The following PGPEP1L variants were observed in gnomAD, a reference collection of about 807,000 sequenced individuals.
PGPEP1L encodes pyroglutamyl-peptidase 1-like protein.
PGPEP1L carries 7 observed loss-of-function variants against 6.0 expected under a neutral mutation model. The observed-to-expected ratio is 1.17, with a 90% CI of 0.66 to 2.19. The LOEUF is 2.19. Among genes scored for constraint, PGPEP1L ranks in the 30% most tolerant of loss-of-function variants. The probability of loss-of-function intolerance (pLI) is 0.00; values close to 1 mark genes in which losing one functional copy is unlikely to be tolerated. For missense variants in PGPEP1L, 209 were observed against 192.5 expected (o/e 1.09, Z -0.51); for synonymous variants, 103 against 83.9 (o/e 1.23, Z -1.24).
At chr15:98,990,503 CAAT>C (rs1213156923) in intron 2 of PGPEP1L, among the ~76,000 whole-genome samples, 1 of 152,118 alleles carries the variant, frequency 6.6e-6, no homozygotes, top group Non-Finnish European at 1.5e-5. Context: ...GACTCCCACA[CAAT>C]AATAGTGGGA....
chr15:99,007,007 TGTC>T (rs1555473747), intron 1 of PGPEP1L, among the ~76,000 whole-genome samples: 4 of 152,102 alleles, frequency 2.6e-5, no homozygotes, highest in East Asian at 1.9e-4. Context: ...TCTGCTGAAT[TGTC>T]CTCCTGATAT....
At chr15:98,976,734 G>T (rs1339194384) in intron 2 of PGPEP1L, among the ~76,000 whole-genome samples, 2 of 152,182 alleles carry the variant, frequency 1.3e-5, no homozygotes, top group Non-Finnish European at 2.9e-5. Flanking sequence ...GCATGGTCTT[G>T]GTAAGGGAAG....
intron 2 of PGPEP1L, among the ~76,000 whole-genome samples, chr15:98,981,230 C>A (rs958796522): frequency 6.6e-6 from 1 of 152,106 alleles, no homozygotes; most frequent in African/African-American, 2.4e-5. Context: ...CGGTGGCTCC[C>A]GCCTGTAATC....
At position 98,994,599 on chromosome 15, in the gene PGPEP1L, A is replaced by C. The variant is rs557549612; in HGVS notation, c.-142+10830T>G. 1.4e-4 allele frequency among the ~76,000 whole-genome samples: 21 copies of C among 152,314 alleles called. No homozygotes were observed. In the East Asian group the frequency reaches 3.7e-3, roughly 27 times the overall value. On this transcript the variant is annotated intron_variant, in intron 2 of 4. Transcript: ENST00000535714. ...GAGACCCTGTATCAAAAAAGAAAAA[A>C]AAATGGAGCTATTATTACTACGACC...
At position 98,998,238 on chromosome 15, in the gene PGPEP1L, C is replaced by T. The variant is rs2151765224; in HGVS notation, c.-142+7191G>A. The T allele has an allele frequency of 2.0e-5, 3 of 152,782 alleles. No individual in the cohort carries two copies. In the Middle Eastern group the frequency reaches 0.01, roughly 520 times the overall value. 9.5% of individuals were successfully genotyped at this position (152,782 alleles called of 1,614,324 possible). A position where few individuals can be genotyped will look rare whatever the true frequency, so the allele number is the denominator to read the frequency against. On this transcript the variant is annotated intron_variant, in intron 2 of 4. Transcript: ENST00000535714. Reference sequence around the variant, plus strand: ...GCCTCTACTCCTGGCTGCACTCGAGCACCAGGTCCCACCCCATAAGACTCT... The same window carrying T: ...GCCTCTACTCCTGGCTGCACTCGAGTACCAGGTCCCACCCCATAAGACTCT...
chr15:98,982,492 C>G (rs1414773927), intron 2 of PGPEP1L, among the ~76,000 whole-genome samples: 1 of 152,058 alleles, frequency 6.6e-6, no homozygotes, highest in East Asian at 1.9e-4. Flanking sequence ...ACTACAGTCA[C>G]CAGACTGAAA....
At chr15:98,969,674 A>G (rs1394210717) in intron 3 of PGPEP1L, 23 bp from the exon 4 acceptor site, 2 of 1,603,722 alleles carry the variant, frequency 1.2e-6, no homozygotes. Context: ...GTAACAGCAG[A>G]GAGAACCCAG....
chr15:99,006,354 G>A (rs1311866287), intron 1 of PGPEP1L, among the ~76,000 whole-genome samples: 23 of 152,344 alleles, frequency 1.5e-4, no homozygotes, highest in African/African-American at 4.6e-4. Flanking sequence ...ACACTGTGCT[G>A]GACTCCTTAA....
At chr15:98,969,269 G>A (rs550584711) in intron 4 of PGPEP1L, among the ~76,000 whole-genome samples, 156 bp downstream of exon 4, 7 of 152,286 alleles carry the variant, frequency 4.6e-5, no homozygotes, top group East Asian at 3.9e-4. Context: ...CAACTGTGCT[G>A]GCCTGCACAC....
intron 2 of PGPEP1L, among the ~76,000 whole-genome samples, chr15:98,979,139 C>A (rs8035766): frequency 0.89 from 135,276 of 151,938 alleles, 60,634 homozygotes; most frequent in South Asian, 0.94. Context: ...ACAGGTCAGA[C>A]TGTTTCCCAT....
At chr15:98,981,762 TGAG>T (rs1215305336) in intron 2 of PGPEP1L, among the ~76,000 whole-genome samples, 1 of 152,174 alleles carries the variant, frequency 6.6e-6, no homozygotes, top group Admixed American at 6.5e-5. Context: ...TGGGAAGAAT[TGAG>T]GAATATATAT....
chr15:98,988,240 G>T (rs1354257846), intron 2 of PGPEP1L, among the ~76,000 whole-genome samples: 2 of 152,164 alleles, frequency 1.3e-5, no homozygotes, highest in East Asian at 1.9e-4. Flanking sequence ...AGATCCACTG[G>T]CTTGAAATTC....
At chr15:98,983,312 CATTATT>C (rs760621604) in intron 2 of PGPEP1L, among the ~76,000 whole-genome samples, 7 of 151,966 alleles carry the variant, frequency 4.6e-5, no homozygotes, top group Admixed American at 2.6e-4. Context: ...GCTCTTTATT[CATTATT>C]ATTATTATTA....
At chr15:99,005,105 G>A (rs1299114746) in intron 2 of PGPEP1L, among the ~76,000 whole-genome samples, 3 of 152,250 alleles carry the variant, frequency 2.0e-5, no homozygotes, top group East Asian at 1.9e-4. Context: ...CCCACTCAGG[G>A]AAAACAGGTA....
chr15:98,983,541 G>A (rs1163319979), intron 2 of PGPEP1L, among the ~76,000 whole-genome samples: 2 of 152,140 alleles, frequency 1.3e-5, no homozygotes, highest in African/African-American at 4.8e-5. Context: ...ACCAGGCTGA[G>A]GCACTTAAGA....
At chr15:98,998,388 G>A (rs2017916708) in intron 2 of PGPEP1L, among the ~76,000 whole-genome samples, 2 of 152,190 alleles carry the variant, frequency 1.3e-5, no homozygotes, top group South Asian at 2.1e-4. Context: ...TTGTTGGGGA[G>A]CAAAGAAAGA....
chr15:98,971,041 G>A lies in PGPEP1L; in HGVS notation c.-24C>T. 6.2e-7 allele frequency: 1 copy of A among 1,613,736 alleles called. No homozygotes were observed. The highest frequency in any genetic ancestry group is 8.5e-7 in the Non-Finnish European group (1 of 1,179,782). On this transcript the variant is annotated 5_prime_UTR_variant, in exon 3 of 5. Transcript: ENST00000535714. The stretch of plus-strand genomic sequence containing the variant: ...TGCCTCTGGCCATCACTTACTTGCG[G>A]CTGATGATCTTCCCAGATTCCGGTG...
intron 2 of PGPEP1L, among the ~76,000 whole-genome samples, chr15:99,002,977 G>C (rs1412302483): frequency 6.6e-6 from 1 of 152,158 alleles, no homozygotes; most frequent in Non-Finnish European, 1.5e-5. Context: ...AGAGAAACTT[G>C]AATTATACCT....
At position 98,968,467 on chromosome 15, in the gene PGPEP1L, C is replaced by A. The variant is rs764923961; in HGVS notation, c.*11G>T. ...AAACATTCAATTTTCTCTAGAGGAG[C>A]AATCCCCCGGTCAGTTCCCTTTGGC... On this transcript the variant is annotated 3_prime_UTR_variant, in exon 5 of 5. Transcript: ENST00000535714. The A allele has an allele frequency of 1.9e-6, 3 of 1,609,670 alleles. No individual in the cohort carries two copies. The highest frequency in any genetic ancestry group is 1.7e-4 in the Middle Eastern group (1 of 6,058).
Sources: allele counts gnomAD v4.1 joint callset (sites outside exome capture counted in the v4.1 genomes callset), GRCh38; gene constraint gnomAD v4.1.1; transcripts MANE v1.5; gene names NCBI Gene and HGNC (gene_info 2026-07-23, HGNC 2026-07-21).